KCNK2: variants seen among roughly 807,000 people sequenced by gnomAD.
KCNK2 encodes potassium channel subfamily K member 2.
In KCNK2, 21 loss-of-function variants were observed where a neutral mutation model predicts 40.5. The observed-to-expected ratio is 0.52, with a 90% CI of 0.37 to 0.75. KCNK2 has a LOEUF of 0.75. KCNK2 is among the 30% of genes least tolerant of loss of function. The pLI is 0.00. For missense variants in KCNK2, 399 were observed against 531.6 expected, an observed-to-expected ratio of 0.75 and a Z score of 2.45; for synonymous variants, 191 against 202.2, an observed-to-expected ratio of 0.94 and a Z score of 0.47.
intron 2 of KCNK2, among the ~76,000 whole-genome samples, chr1:215,105,387 T>C (rs1437728625): frequency 6.6e-6 from 1 of 152,110 alleles, no homozygotes; most frequent in African/African-American, 2.4e-5. Context: ...TTCATCCATG[T>C]TGTAGCATGT....
intron 6 of KCNK2, among the ~76,000 whole-genome samples, chr1:215,222,264 A>AATAAGAT (rs56791469): frequency 0.46 from 70,309 of 151,660 alleles, 17,052 homozygotes; most frequent in South Asian, 0.66. Context: ...TTTACAATGC[A>AATAAGAT]ATCGTGTAAT....
intron 1 of KCNK2, among the ~76,000 whole-genome samples, chr1:215,007,067 G>A (rs1222606463): frequency 4.2e-4 from 55 of 130,014 alleles, no homozygotes; most frequent in African/African-American, 1.6e-3. Context: ...ATATGTGTGT[G>A]TGTGTATATA....
chr1:215,080,712 G>A (rs1358885512), upstream of KCNK2, among the ~76,000 whole-genome samples: 1 of 152,186 alleles, frequency 6.6e-6, no homozygotes, highest in African/African-American at 2.4e-5. Context: ...TGAAAGACGA[G>A]TTGACCTGGG....
At chr1:215,043,515 A>G (rs79649803) in intron 1 of KCNK2, among the ~76,000 whole-genome samples, 3,028 of 152,322 alleles carry the variant, frequency 0.02, 83 homozygotes, top group African/African-American at 0.069. Context: ...GAATCATAAG[A>G]ACATTACGCT....
At chr1:215,079,798 C>G (rs1476339568), upstream of KCNK2, among the ~76,000 whole-genome samples, 1 of 152,168 alleles carries the variant, frequency 6.6e-6, no homozygotes, top group Admixed American at 6.5e-5. Flanking sequence ...CTTCAAACAG[C>G]ATGAGTAAGT....
intron 3 of KCNK2, among the ~76,000 whole-genome samples, chr1:215,125,787 T>G (rs1482521777): frequency 3.2e-5 from 2 of 62,502 alleles, no homozygotes; most frequent in Non-Finnish European, 9.8e-5. Flanking sequence ...TAAAATAAAA[T>G]TTGAAAAAAA....
chr1:215,209,492 T>TTATATATATAATAC (rs1450657519), intron 6 of KCNK2, among the ~76,000 whole-genome samples: 2 of 24,902 alleles, frequency 8.0e-5, no homozygotes, highest in African/African-American at 1.4e-4. Flanking sequence ...ATAATACATA[T>TTATATATATAATAC]ATATAATATA....
At chr1:215,119,697 C>A (rs1661094987) in intron 2 of KCNK2, among the ~76,000 whole-genome samples, 1 of 152,294 alleles carries the variant, frequency 6.6e-6, no homozygotes, top group East Asian at 1.9e-4. Flanking sequence ...AGGATTCCAT[C>A]TTCGCTTATC....
chr1:215,151,865 T>C (rs1662698040), intron 3 of KCNK2, among the ~76,000 whole-genome samples: 1 of 152,132 alleles, frequency 6.6e-6, no homozygotes, highest in Non-Finnish European at 1.5e-5. Context: ...TAACCATGCT[T>C]ACCTTACTTA....
rs1354188795 is a variant in KCNK2, at chr1:215,181,700, T to TG, written c.823+9517_823+9518insG. Among the ~76,000 whole-genome samples the TG allele has an allele frequency of 9.2e-5, 14 of 152,276 alleles. No homozygotes were observed. The East Asian group carries it at 2.7e-3, about 29-fold the overall frequency. On this transcript the variant is annotated intron_variant, in intron 5 of 6. Coordinates refer to ENST00000444842, the MANE Select transcript of KCNK2 (RefSeq NM_001017425.3). ...TTTATCTTGAGCTATGCTGTCAACTTATAAGCCAGTAGATGGCACTTATGG... is the reference window on the plus strand; with the variant it reads ...TTTATCTTGAGCTATGCTGTCAACTTGATAAGCCAGTAGATGGCACTTATGG...
chr1:215,060,592 T>C (rs1304468280), intron 1 of KCNK2, among the ~76,000 whole-genome samples: 4 of 152,298 alleles, frequency 2.6e-5, no homozygotes, highest in African/African-American at 9.6e-5. Flanking sequence ...AGGTGAGGGC[T>C]TTGAGGAAGA....
intron 6 of KCNK2, among the ~76,000 whole-genome samples, chr1:215,195,789 T>A (rs1173114398): frequency 6.6e-6 from 1 of 152,188 alleles, no homozygotes; most frequent in Non-Finnish European, 1.5e-5. Flanking sequence ...AGGATCACTA[T>A]TAGTTTGAAT....
intron 5 of KCNK2, among the ~76,000 whole-genome samples, chr1:215,189,754 C>T (rs979292173): frequency 6.6e-6 from 1 of 151,996 alleles, no homozygotes; most frequent in Non-Finnish European, 1.5e-5. Flanking sequence ...GGTTCTCAGT[C>T]CTTGAAGCAG....
chr1:215,203,155 G>C (rs1405193895), intron 6 of KCNK2, among the ~76,000 whole-genome samples: 4 of 151,982 alleles, frequency 2.6e-5, no homozygotes, highest in Non-Finnish European at 1.5e-5. Flanking sequence ...ATTTAATTTG[G>C]TTACTAATTA....
rs950546787 is a variant in KCNK2, at chr1:215,008,481, C to G, written c.34+2526C>G. Reference sequence around the variant, plus strand: ...TCAAATTAGTGATGGAATTCCAGACCCCCTACTTATAAACAGAGTGACTTT... The same window carrying G: ...TCAAATTAGTGATGGAATTCCAGACGCCCTACTTATAAACAGAGTGACTTT... On this transcript the variant is annotated intron_variant, in intron 1 of 6. Coordinates refer to the KCNK2 transcript ENST00000391895. Among the ~76,000 whole-genome samples, 4 of 151,980 alleles carry G rather than the reference C, an allele frequency of 2.6e-5. No homozygotes were observed. The East Asian group carries it at 7.7e-4, about 29-fold the overall frequency.
intron 2 of KCNK2, among the ~76,000 whole-genome samples, chr1:215,112,806 G>A (rs1413730747): frequency 1.3e-5 from 2 of 152,092 alleles, no homozygotes; most frequent in Non-Finnish European, 2.9e-5. Flanking sequence ...AGGAGCAATA[G>A]GCTATACCAT....
chr1:215,160,404 C>T (rs936029923), intron 3 of KCNK2, among the ~76,000 whole-genome samples: 3 of 152,086 alleles, frequency 2.0e-5, no homozygotes, highest in Non-Finnish European at 4.4e-5. Context: ...TATAACTTTT[C>T]TGTGAGTTAA....
intron 6 of KCNK2, among the ~76,000 whole-genome samples, chr1:215,227,600 C>G (rs1434705741): frequency 1.3e-5 from 2 of 152,028 alleles, no homozygotes; most frequent in Non-Finnish European, 2.9e-5. Context: ...TGGTTTTATG[C>G]AGGGGAAAGT....
At chr1:215,089,888 G>T (rs997898508) in intron 2 of KCNK2, among the ~76,000 whole-genome samples, 2 of 149,084 alleles carry the variant, frequency 1.3e-5, no homozygotes, top group Non-Finnish European at 3.0e-5. Context: ...GTGCAATGGC[G>T]TGATCTCGGC....
Sources: gnomAD v4.1 joint callset for allele counts (sites outside exome capture counted in the v4.1 genomes callset) on GRCh38, gnomAD v4.1.1 for gene constraint, MANE v1.5 for transcripts, NCBI Gene and HGNC (gene_info 2026-07-23, HGNC 2026-07-21) for gene names.